The following IL7 variants were observed in gnomAD, a reference collection of about 807,000 sequenced individuals.
IL7 encodes interleukin-7.
Under a neutral mutation model 21.6 loss-of-function variants are expected in IL7, and 3 were observed. The ratio of observed to expected loss-of-function variants is 0.14; its 90% CI spans 0.06 to 0.36. The LOEUF is 0.36. Among genes scored for constraint, IL7 ranks in the 10% least tolerant of loss-of-function variants. The pLI, the probability that IL7 is intolerant of heterozygous loss-of-function variation, is 1.00. For synonymous variants in IL7, 62 were observed against 68.1 expected (o/e 0.91, Z 0.44); for missense variants, 175 against 200.2 (o/e 0.87, Z 0.76).
intron 1 of IL7, among the ~76,000 whole-genome samples, chr8:78,801,420 G>C (rs1814054497): frequency 6.6e-6 from 1 of 152,174 alleles, no homozygotes; most frequent in Non-Finnish European, 1.5e-5. Context: ...GGACCAAAAA[G>C]TTGAATAGCA....
intron 5 of IL7, among the ~76,000 whole-genome samples, chr8:78,735,553 C>T (rs1461221787): frequency 6.6e-6 from 1 of 151,982 alleles, no homozygotes; most frequent in Non-Finnish European, 1.5e-5. Flanking sequence ...TGTGATCCGC[C>T]CACCTCGGAC....
intron 2 of IL7, among the ~76,000 whole-genome samples, chr8:78,779,298 C>T (rs796178488): frequency 3.5e-4 from 54 of 152,288 alleles, no homozygotes; most frequent in African/African-American, 1.3e-3. Flanking sequence ...TGAGAGTGGG[C>T]ATCCTTGTCT....
chr8:78,762,161 T>C (rs878962885), intron 2 of IL7: 1 of 1,593,316 alleles, frequency 6.3e-7, no homozygotes, highest in African/African-American at 1.3e-5. Context: ...CAAATGACTG[T>C]TAAGATCAAA....
intron 3 of IL7, among the ~76,000 whole-genome samples, chr8:78,710,583 A>G (rs765152717): frequency 3.3e-5 from 5 of 152,034 alleles, no homozygotes; most frequent in Non-Finnish European, 2.9e-5. Context: ...AATTTCAGGA[A>G]GTTTTTTCTG....
chr8:78,787,207 C>T (rs185405198), intron 2 of IL7, among the ~76,000 whole-genome samples: 54 of 152,222 alleles, frequency 3.5e-4, no homozygotes, highest in Non-Finnish European at 7.1e-4. Context: ...CATTGTACAG[C>T]CAGTTGGTCA....
chr8:78,796,217 T>C (rs887412097), intron 2 of IL7, among the ~76,000 whole-genome samples: 3 of 152,152 alleles, frequency 2.0e-5, no homozygotes, highest in Middle Eastern at 3.4e-3. Context: ...CAAGTGATTA[T>C]AGTAAGGTTG....
intron 3 of IL7, among the ~76,000 whole-genome samples, chr8:78,691,300 A>G (rs1318705690): frequency 6.6e-6 from 1 of 152,084 alleles, no homozygotes; most frequent in African/African-American, 2.4e-5. Context: ...TATTGTTTGC[A>G]TAGCATTTAT....
At chr8:78,742,526 A>C (rs1044238954) in intron 2 of IL7, among the ~76,000 whole-genome samples, 1 of 152,110 alleles carries the variant, frequency 6.6e-6, no homozygotes, top group Admixed American at 6.5e-5. Context: ...ATTTTTTAAT[A>C]CTTTTGTCTT....
chr8:78,709,108 A>C (rs891576458), intron 3 of IL7, among the ~76,000 whole-genome samples: 4 of 152,206 alleles, frequency 2.6e-5, no homozygotes, highest in African/African-American at 9.7e-5. Flanking sequence ...TATCTCAGTT[A>C]ATAATTTTCA....
At chr8:78,720,777 A>G (rs961021580) in intron 5 of IL7, among the ~76,000 whole-genome samples, 3 of 152,004 alleles carry the variant, frequency 2.0e-5, no homozygotes, top group Non-Finnish European at 4.4e-5. Context: ...TCTCAAGCAT[A>G]TCACTTATGG....
At chr8:78,720,858 A>C (rs1400011318) in intron 5 of IL7, among the ~76,000 whole-genome samples, 1 of 151,920 alleles carries the variant, frequency 6.6e-6, no homozygotes, top group Non-Finnish European at 1.5e-5. Flanking sequence ...ACCACAGTTT[A>C]GTAGGTTATA....
intron 2 of IL7, among the ~76,000 whole-genome samples, chr8:78,790,605 G>A (rs145394787): frequency 6.6e-6 from 1 of 152,108 alleles, no homozygotes; most frequent in East Asian, 1.9e-4. Flanking sequence ...ATATACATAT[G>A]GACTAGTACG....
At chr8:78,784,420 T>A (rs1172666931) in intron 2 of IL7, among the ~76,000 whole-genome samples, 1 of 152,228 alleles carries the variant, frequency 6.6e-6, no homozygotes. Flanking sequence ...TTCTTTGATA[T>A]GGCAGCCAGA....
At chr8:78,735,784 T>C (rs1358295256) in intron 5 of IL7, among the ~76,000 whole-genome samples, 1 of 152,198 alleles carries the variant, frequency 6.6e-6, no homozygotes, top group Non-Finnish European at 1.5e-5. Flanking sequence ...AATTTCCATG[T>C]TGCCATGTAG....
At chr8:78,687,313 A>G (rs1810016219) in intron 3 of IL7, among the ~76,000 whole-genome samples, 1 of 151,720 alleles carries the variant, frequency 6.6e-6, no homozygotes, top group African/African-American at 2.4e-5. Flanking sequence ...ACAAAGAGAA[A>G]GTTCTTTAGC....
At chr8:78,767,291 G>C (rs987930314) in intron 2 of IL7, among the ~76,000 whole-genome samples, 6 of 151,974 alleles carry the variant, frequency 3.9e-5, no homozygotes, top group African/African-American at 1.4e-4. Flanking sequence ...GTGTGTGTGA[G>C]TGTGAACAAT....
At chr8:78,736,301 G>A (rs1490876433) in intron 5 of IL7, among the ~76,000 whole-genome samples, 173 bp downstream of exon 5, 23 of 150,674 alleles carry the variant, frequency 1.5e-4, no homozygotes, top group Admixed American at 1.4e-3. Context: ...GTTTAAAAAT[G>A]CAATTTAAAG....
In IL7 at chr8:78,681,463, A is replaced by G. The variant is rs573709023; in HGVS notation, n.273+4426T>C. ...TGTTAAAGAGTCAGTAATCTCAAAC[A>G]TCTAAATTTGCTGACGTTTAAGATT... On this transcript the variant is annotated intron_variant and non_coding_transcript_variant, in intron 4 of 4. Transcript: ENST00000523959. Among the ~76,000 whole-genome samples the G allele has an allele frequency of 7.9e-5, 12 of 152,342 alleles. No homozygotes were observed. The South Asian group carries it at 2.3e-3, about 29-fold the overall frequency.
intron 3 of IL7, among the ~76,000 whole-genome samples, chr8:78,724,925 A>T (rs1274017153): frequency 6.6e-6 from 1 of 152,054 alleles, no homozygotes; most frequent in Admixed American, 6.6e-5. Context: ...AACATTGGAC[A>T]ATATAAAACA....
Sources: allele counts gnomAD v4.1 joint callset (sites outside exome capture counted in the v4.1 genomes callset), GRCh38; gene constraint gnomAD v4.1.1; transcripts MANE v1.5; gene names NCBI Gene and HGNC (gene_info 2026-07-23, HGNC 2026-07-21).